The following NAV3 variants were observed in gnomAD, a reference collection of about 807,000 sequenced individuals.
NAV3 encodes the protein neuron navigator 3, also known as pore membrane and/or filament interacting like protein 1.
In NAV3, 87 loss-of-function variants were observed where a neutral mutation model predicts 244.7. That is an observed-to-expected ratio of 0.36 (90% CI 0.30 to 0.42). NAV3 has a LOEUF of 0.42. Ranked by LOEUF, NAV3 falls within the 20% of genes least tolerant of loss-of-function variation. NAV3 has a pLI of 1.00. For synonymous variants in NAV3, 1,126 were observed against 1,042.2 expected (o/e 1.08, Z -1.55); for missense variants, 2,663 against 2,893.3 (o/e 0.92, Z 1.83).
At chr12:77,934,669 T>C (rs778823970) in intron 1 of NAV3, among the ~76,000 whole-genome samples, 1 of 152,220 alleles carries the variant, frequency 6.6e-6, no homozygotes, top group Non-Finnish European at 1.5e-5. Context: ...TTTTAAGATG[T>C]AGAAGTCCAG....
intron 2 of NAV3, among the ~76,000 whole-genome samples, chr12:77,691,873 C>T (rs1875049271): frequency 6.6e-6 from 1 of 151,840 alleles, no homozygotes; most frequent in African/African-American, 2.4e-5. Flanking sequence ...TGTCAGAAAT[C>T]AAAGCACTTA....
chr12:77,681,723 T>G (rs1874478113), intron 2 of NAV3, among the ~76,000 whole-genome samples: 1 of 152,222 alleles, frequency 6.6e-6, no homozygotes, highest in African/African-American at 2.4e-5. Flanking sequence ...TATGCTTTGA[T>G]GAGTTTTTAT....
intron 22 of NAV3, among the ~76,000 whole-genome samples, chr12:78,154,257 A>G (rs1054452045): frequency 5.8e-4 from 82 of 141,006 alleles, no homozygotes; most frequent in African/African-American, 2.0e-3. Context: ...ATATTACTAT[A>G]TAATATATAG....
chr12:77,733,857 T>G (rs1877225391), intron 2 of NAV3, among the ~76,000 whole-genome samples: 2 of 113,370 alleles, frequency 1.8e-5, no homozygotes, highest in East Asian at 6.2e-4. Context: ...TTTTTTTTTT[T>G]GCAAGAGGTT....
At chr12:78,143,520 A>G in intron 20 of NAV3, 1 of 285,564 alleles carries the variant, frequency 3.5e-6, no homozygotes, top group Non-Finnish European at 6.9e-6. Context: ...AATCCCAGCT[A>G]TTTGGGAGGC....
intron 5 of NAV3, among the ~76,000 whole-genome samples, chr12:77,989,631 A>T (rs888380159): frequency 2.0e-5 from 3 of 152,180 alleles, no homozygotes; most frequent in Admixed American, 1.3e-4. Flanking sequence ...AGTAGTTGAG[A>T]TCATGAAAAA....
In NAV3 at chr12:78,119,474, T is replaced by C. The variant is rs1453420014; in HGVS notation, c.3278T>C (p.Leu1093Pro). The change falls in exon 15 of 40, where the codon CTG (leucine) becomes CCG (proline). Residue 1093 changes from leucine to proline, a missense_variant. Transcript: ENST00000397909. The part of the protein sequence containing the change: ...GATITSGSAT[L>P]GKIPKSAAIG... ...ACCATAACAAGTGGCTCTGCAACACTGGGTAAAATTCCAAAATCTGCTGCC... is the reference window on the plus strand; with the variant it reads ...ACCATAACAAGTGGCTCTGCAACACCGGGTAAAATTCCAAAATCTGCTGCC... The C allele has an allele frequency of 5.0e-6, 8 of 1,614,074 alleles. No individual in the cohort carries two copies. Among genetic ancestry groups the C allele is most frequent in the Non-Finnish European group, 5.9e-6 (7 of 1,180,036 alleles).
At chr12:77,651,223 AG>A (rs1335882539) in intron 2 of NAV3, among the ~76,000 whole-genome samples, 1 of 152,146 alleles carries the variant, frequency 6.6e-6, no homozygotes, top group Non-Finnish European at 1.5e-5. Flanking sequence ...TCAATTCCTT[AG>A]AAAATTTTGG....
At chr12:77,752,258 A>C (rs934852254) in intron 2 of NAV3, among the ~76,000 whole-genome samples, 1 of 152,132 alleles carries the variant, frequency 6.6e-6, no homozygotes, top group Non-Finnish European at 1.5e-5. Context: ...TTGGTGTAAA[A>C]CATAAAACAT....
At chr12:77,938,417 G>C (rs1000146133) in intron 1 of NAV3, among the ~76,000 whole-genome samples, 35 of 152,050 alleles carry the variant, frequency 2.3e-4, no homozygotes, top group African/African-American at 8.0e-4. Context: ...TCAACATAGA[G>C]ATCATGGATA....
chr12:78,041,328 AAGAAATTTACAGG>A (rs1880818884), intron 9 of NAV3, among the ~76,000 whole-genome samples: 1 of 152,202 alleles, frequency 6.6e-6, no homozygotes, highest in South Asian at 2.1e-4. Flanking sequence ...AATTCAAGGG[AAGAAATTTACAGG>A]CTGGCAGCAC....
chr12:77,783,319 G>A (rs996241437), intron 2 of NAV3: 1 of 152,060 alleles, frequency 6.6e-6, no homozygotes. Context: ...TGAAAGATGA[G>A]GATCAAGTGC....
intron 1 of NAV3, among the ~76,000 whole-genome samples, chr12:77,838,612 ACT>A (rs1844499464): frequency 6.6e-6 from 1 of 152,000 alleles, no homozygotes. Context: ...AAAAACTAAG[ACT>A]CTAAATATAT....
At chr12:78,126,856 G>A (rs1232776508) in intron 16 of NAV3, among the ~76,000 whole-genome samples, 1 of 152,070 alleles carries the variant, frequency 6.6e-6, no homozygotes, top group Non-Finnish European at 1.5e-5. Flanking sequence ...AGTTGCATAG[G>A]GAAGGAAAAA....
At chr12:78,085,030 G>A (rs545335498) in intron 12 of NAV3, among the ~76,000 whole-genome samples, 10 of 152,084 alleles carry the variant, frequency 6.6e-5, no homozygotes, top group African/African-American at 1.9e-4. Flanking sequence ...ATCATCAAAG[G>A]GATGGGTAAT....
At chr12:78,128,256 T>G (rs1251666958) in intron 17 of NAV3, among the ~76,000 whole-genome samples, 1 of 125,332 alleles carries the variant, frequency 8.0e-6, no homozygotes, top group South Asian at 2.4e-4. Context: ...ACAAAAGAAC[T>G]GTTTTTCCTT....
intron 12 of NAV3, among the ~76,000 whole-genome samples, chr12:78,068,173 T>A (rs1385571298): frequency 6.6e-6 from 1 of 152,006 alleles, no homozygotes; most frequent in Non-Finnish European, 1.5e-5. Context: ...CCCTATAAAG[T>A]AGGTTTTATT....
At chr12:78,044,168 C>A (rs1024691182) in intron 9 of NAV3, among the ~76,000 whole-genome samples, 3 of 152,156 alleles carry the variant, frequency 2.0e-5, no homozygotes, top group African/African-American at 7.2e-5. Context: ...GTTTTCCCAG[C>A]ACCATTTGTT....
rs1565785855 is a variant in NAV3 at position 77,720,106 on chromosome 12, T to C, written c.72+147840T>C. ...TGGCACATAGTTGTTCATAAGAGCCTCTTGTTATCTTTTGTATTTCTGGCA... is the reference window on the plus strand; with the variant it reads ...TGGCACATAGTTGTTCATAAGAGCCCCTTGTTATCTTTTGTATTTCTGGCA... On this transcript the variant is annotated intron_variant, in intron 2 of 8. Transcript: ENST00000550042. Among the ~76,000 whole-genome samples the C allele has an allele frequency of 2.0e-5, 3 of 152,162 alleles. No individual in the cohort carries two copies. The South Asian group carries it at 6.2e-4, about 31-fold the overall frequency.
Sources: allele counts gnomAD v4.1 joint callset (sites outside exome capture counted in the v4.1 genomes callset), GRCh38; gene constraint gnomAD v4.1.1; transcripts MANE v1.5; gene names NCBI Gene and HGNC (gene_info 2026-07-23, HGNC 2026-07-21).